The following XKR4 variants were observed in gnomAD, a reference collection of about 807,000 sequenced individuals.
XKR4 encodes the protein XK-related protein 4.
A neutral mutation model predicts 53.9 loss-of-function variants in XKR4; 12 were observed. The ratio of observed to expected loss-of-function variants is 0.22; its 90% CI spans 0.14 to 0.36. The LOEUF (loss-of-function observed/expected upper bound fraction) is 0.36. XKR4 is among the 10% of genes least tolerant of loss of function. XKR4 has a pLI of 1.00. For synonymous variants in XKR4, 354 were observed against 362.4 expected, an observed-to-expected ratio of 0.98 and a Z score of 0.26; for missense variants, 799 against 859.5, an observed-to-expected ratio of 0.93 and a Z score of 0.88.
chr8:55,249,206 C>T (rs1818332653), intron 1 of XKR4, among the ~76,000 whole-genome samples: 1 of 152,124 alleles, frequency 6.6e-6, no homozygotes, highest in African/African-American at 2.4e-5. Flanking sequence ...AATTCAAGGA[C>T]ACGAATATAA....
At chr8:55,449,675 T>C in intron 2 of XKR4, 1 of 872,494 alleles carries the variant, frequency 1.1e-6, no homozygotes, top group Non-Finnish European at 2.0e-6. Context: ...TGCCACAGCC[T>C]CCACCTCCAC....
chr8:55,278,179 C>T (rs149483399), intron 1 of XKR4, among the ~76,000 whole-genome samples: 6 of 151,846 alleles, frequency 4.0e-5, no homozygotes, highest in Admixed American at 6.6e-5. Context: ...TACTAAAAAT[C>T]GAAAAAAATT....
intron 2 of XKR4, among the ~76,000 whole-genome samples, chr8:55,466,340 A>G (rs978639209): frequency 3.3e-5 from 5 of 152,110 alleles, no homozygotes; most frequent in Non-Finnish European, 7.3e-5. Context: ...TTGTAGGGAC[A>G]TGGATGAAGC....
chr8:55,431,082 G>T (rs935199856), intron 2 of XKR4, among the ~76,000 whole-genome samples: 3 of 152,156 alleles, frequency 2.0e-5, no homozygotes, highest in Admixed American at 6.5e-5. Flanking sequence ...ATCTCAAAAT[G>T]AAAAGCTTCT....
chr8:55,385,644 A>G (rs576748467), intron 2 of XKR4, among the ~76,000 whole-genome samples: 66 of 152,354 alleles, frequency 4.3e-4, no homozygotes, highest in African/African-American at 1.5e-3. Flanking sequence ...GCAGGCTTCC[A>G]AGAAAATTGC....
intron 1 of XKR4, among the ~76,000 whole-genome samples, chr8:55,170,352 A>G (rs778633319): frequency 3.9e-5 from 6 of 152,194 alleles, no homozygotes; most frequent in Non-Finnish European, 8.8e-5. Flanking sequence ...TGTCATCATA[A>G]TAGTCCTAAA....
intron 1 of XKR4, among the ~76,000 whole-genome samples, chr8:55,308,817 C>T (rs898148123): frequency 1.3e-5 from 2 of 152,094 alleles, no homozygotes; most frequent in Non-Finnish European, 2.9e-5. Context: ...ATCCCTGGAA[C>T]GTGTGAATAT....
At chr8:55,246,453 A>G (rs182165422) in intron 1 of XKR4, among the ~76,000 whole-genome samples, 1 of 152,306 alleles carries the variant, frequency 6.6e-6, no homozygotes, top group East Asian at 1.9e-4. Context: ...GGTCTCATCT[A>G]TTTGTGATCA....
intron 2 of XKR4, among the ~76,000 whole-genome samples, chr8:55,390,249 C>CA: frequency 6.6e-6 from 1 of 152,208 alleles, no homozygotes; most frequent in East Asian, 1.9e-4. Flanking sequence ...TGAATCTCAT[C>CA]AAAAAACTGA....
chr8:55,455,316 C>T (rs893558388), intron 2 of XKR4, among the ~76,000 whole-genome samples: 1 of 151,854 alleles, frequency 6.6e-6, no homozygotes, highest in Admixed American at 6.5e-5. Context: ...AGCCAGCTGG[C>T]CCGCCTGGCT....
chr8:55,390,817 G>A (rs1356229518), intron 2 of XKR4, among the ~76,000 whole-genome samples: 1 of 152,172 alleles, frequency 6.6e-6, no homozygotes, highest in Non-Finnish European at 1.5e-5. Context: ...AGTGCACTGG[G>A]AGATTTACTT....
At chr8:55,400,424 C>G (rs573674703) in intron 2 of XKR4, among the ~76,000 whole-genome samples, 1 of 152,192 alleles carries the variant, frequency 6.6e-6, no homozygotes, top group Non-Finnish European at 1.5e-5. Flanking sequence ...TGAGGTGGAT[C>G]CTCCGAGGCA....
intron 1 of XKR4, among the ~76,000 whole-genome samples, chr8:55,137,425 T>C (rs893333489): frequency 6.6e-6 from 1 of 152,170 alleles, no homozygotes; most frequent in Non-Finnish European, 1.5e-5. Context: ...AAGAGGAATC[T>C]AAAGAATAGC....
intron 1 of XKR4, among the ~76,000 whole-genome samples, chr8:55,205,879 G>T (rs959922989): frequency 1.3e-5 from 2 of 152,194 alleles, no homozygotes; most frequent in African/African-American, 4.8e-5. Context: ...GGTTCTTAAA[G>T]ATGGTGTGTC....
chr8:55,190,690 C>T (rs755416369), intron 1 of XKR4, among the ~76,000 whole-genome samples: 2 of 152,054 alleles, frequency 1.3e-5, no homozygotes, highest in Non-Finnish European at 2.9e-5. Flanking sequence ...AGAAAGGTAA[C>T]GTGTGGTATG....
intron 1 of XKR4, among the ~76,000 whole-genome samples, chr8:55,332,388 C>T (rs1803394783): frequency 6.6e-6 from 1 of 151,988 alleles, no homozygotes; most frequent in African/African-American, 2.4e-5. Flanking sequence ...TTTACCTTTA[C>T]CAGAAAACTT....
chr8:55,133,004 T>G (rs1421434345), intron 1 of XKR4, among the ~76,000 whole-genome samples: 1 of 152,174 alleles, frequency 6.6e-6, no homozygotes, highest in Non-Finnish European at 1.5e-5. Context: ...AGTGACTATG[T>G]GACCAGGTTG....
At chr8:55,513,560 C>G (rs1431710890) in intron 2 of XKR4, among the ~76,000 whole-genome samples, 1 of 152,154 alleles carries the variant, frequency 6.6e-6, no homozygotes, top group African/African-American at 2.4e-5. Context: ...GGAAGTGTAT[C>G]GAGATGTGGC....
intron 2 of XKR4, among the ~76,000 whole-genome samples, chr8:55,476,815 C>T (rs1284899791): frequency 6.6e-6 from 1 of 152,068 alleles, no homozygotes; most frequent in Non-Finnish European, 1.5e-5. Flanking sequence ...AGTCTGAGAT[C>T]AAACTGCAAG....
Sources: allele counts gnomAD v4.1 joint callset (sites outside exome capture counted in the v4.1 genomes callset), GRCh38; gene constraint gnomAD v4.1.1; transcripts MANE v1.5; gene names NCBI Gene and HGNC (gene_info 2026-07-23, HGNC 2026-07-21).